PPFIBP1: variants seen among roughly 807,000 people sequenced by gnomAD.
PPFIBP1 encodes the protein PPFIB scaffold protein 1, also known as liprin-beta-1.
A neutral mutation model predicts 137.8 loss-of-function variants in PPFIBP1; 112 were observed. That is an observed-to-expected ratio of 0.81 (90% CI 0.70 to 0.95). The LOEUF is 0.95. Among genes scored for constraint, PPFIBP1 ranks in the 40% least tolerant of loss-of-function variants. PPFIBP1 has a pLI of 0.00. For missense variants in PPFIBP1, 1,083 were observed against 1,196.6 expected, an observed-to-expected ratio of 0.91 and a Z score of 1.40; for synonymous variants, 378 against 417.3, an observed-to-expected ratio of 0.91 and a Z score of 1.15.
chr12:27,592,571 G>T, intron 2 of PPFIBP1: 1 of 1,442,478 alleles, frequency 6.9e-7, no homozygotes, highest in Non-Finnish European at 9.7e-7. Flanking sequence ...TTCACAGGAT[G>T]ATACCTCCTC....
chr12:27,656,003 T>C (rs2059174184), intron 8 of PPFIBP1, among the ~76,000 whole-genome samples: 1 of 152,234 alleles, frequency 6.6e-6, no homozygotes, highest in South Asian at 2.1e-4. Flanking sequence ...GTTGTATAGT[T>C]AAAAATTAAA....
Position 27,648,665 on chromosome 12 carries a change from A to G in PPFIBP1, c.471+823A>G, listed in dbSNP as rs201596439. 2.0e-4 allele frequency among the ~76,000 whole-genome samples: 30 copies of G among 152,350 alleles called. No individual in the cohort carries two copies. The East Asian group carries it at 3.5e-3, about 18-fold the overall frequency. On this transcript the variant is annotated intron_variant, in intron 6 of 29. Transcript: ENST00000228425. ...CTTATACACAATGGAGTACTATTCA[A>G]CTATAAAAAAGCATGAGATTCAGTC...
rs1323498687 is a variant in PPFIBP1, at chr12:27,622,688, C to T, written c.-35-10674C>T. ...TGTCAGCCCCCTAAGGGCAGAGCTT[C>T]GCTTTTCTTGGTCTTTTTCACTGTT... On this transcript the variant is annotated intron_variant, in intron 2 of 29. Transcript: ENST00000228425. Among the ~76,000 whole-genome samples, 5 of 152,224 alleles carry T rather than the reference C, an allele frequency of 3.3e-5. No homozygotes were observed. The East Asian group carries it at 7.7e-4, about 23-fold the overall frequency.
At position 27,660,877 on chromosome 12, in the gene PPFIBP1, T is replaced by G; in HGVS notation, c.845-7T>G. 1 of 1,613,360 alleles carries G rather than the reference T, an allele frequency of 6.2e-7. No individual in the cohort carries two copies. Among genetic ancestry groups the G allele is most frequent in the South Asian group, 1.1e-5 (1 of 90,962 alleles). ...TGAACTGACTTCTGATTTGATGTTATTTTCAGACATCGAAGTACAAAAAAT... is the reference window on the plus strand; with the variant it reads ...TGAACTGACTTCTGATTTGATGTTAGTTTCAGACATCGAAGTACAAAAAAT... On this transcript the variant is annotated splice_polypyrimidine_tract_variant and splice_region_variant and intron_variant, in intron 10 of 29. Coordinates refer to ENST00000228425, the MANE Select transcript of PPFIBP1 (RefSeq NM_003622.4).
At chr12:27,670,215 T>C (rs527280052) in intron 13 of PPFIBP1, among the ~76,000 whole-genome samples, 1 of 152,322 alleles carries the variant, frequency 6.6e-6, no homozygotes, top group East Asian at 1.9e-4. Flanking sequence ...AAAACTGAAG[T>C]ATTAAAATTA....
chr12:27,681,719 C>T (rs550979809), intron 22 of PPFIBP1, 23 bp downstream of exon 22: 19 of 1,612,560 alleles, frequency 1.2e-5, no homozygotes, highest in Non-Finnish European at 1.6e-5. Context: ...CTGTTTTGTT[C>T]ACACAATGGA....
Position 27,589,645 on chromosome 12 carries a change from T to C in PPFIBP1, c.-36+11406T>C, listed in dbSNP as rs2052234751. The stretch of plus-strand genomic sequence containing the variant: ...GCCAAGCAGGTTTATGAAACACTGA[T>C]GAATAAACACAAGTATGTCAGAAAT... On this transcript the variant is annotated intron_variant, in intron 2 of 29. Transcript: ENST00000228425. Among the ~76,000 whole-genome samples, 3 of 152,242 alleles carry C rather than the reference T, an allele frequency of 2.0e-5. No homozygotes were observed. The South Asian group carries it at 6.2e-4, about 32-fold the overall frequency.
At chr12:27,665,551 G>C (rs1186376755) in intron 12 of PPFIBP1, among the ~76,000 whole-genome samples, 2 of 152,180 alleles carry the variant, frequency 1.3e-5, no homozygotes, top group African/African-American at 4.8e-5. Flanking sequence ...TACATAAAGA[G>C]AGTTGTGCAT....
chr12:27,623,554 A>T (rs1427764319), intron 2 of PPFIBP1, among the ~76,000 whole-genome samples: 22 of 152,102 alleles, frequency 1.4e-4, no homozygotes, highest in Admixed American at 1.4e-3. Flanking sequence ...TAAAAATTTT[A>T]AAAATCAGCT....
At chr12:27,550,394 A>C (rs1171268370) in intron 1 of PPFIBP1, among the ~76,000 whole-genome samples, 1 of 152,210 alleles carries the variant, frequency 6.6e-6, no homozygotes, top group Non-Finnish European at 1.5e-5. Flanking sequence ...TGGATTCAGG[A>C]ACTATTTTAA....
intron 2 of PPFIBP1, among the ~76,000 whole-genome samples, chr12:27,615,600 A>G (rs777219942): frequency 8.5e-5 from 13 of 152,242 alleles, no homozygotes; most frequent in Admixed American, 2.0e-4. Context: ...CTTCACAGTA[A>G]TAATCTTGGG....
At chr12:27,556,568 T>G (rs2048719458) in intron 1 of PPFIBP1, among the ~76,000 whole-genome samples, 1 of 152,214 alleles carries the variant, frequency 6.6e-6, no homozygotes, top group South Asian at 2.1e-4. Flanking sequence ...TTATTGCTTC[T>G]TGGTCCGCAT....
At chr12:27,659,660 TAAAAA>T (rs60576797) in intron 10 of PPFIBP1, among the ~76,000 whole-genome samples, 2 of 149,434 alleles carry the variant, frequency 1.3e-5, no homozygotes, top group East Asian at 3.9e-4. Flanking sequence ...CCCCATCTCT[TAAAAA>T]AAAAAAAAAT....
chr12:27,528,206 C>T (rs2135729140), intron 1 of PPFIBP1, among the ~76,000 whole-genome samples: 1 of 152,202 alleles, frequency 6.6e-6, no homozygotes, highest in Admixed American at 6.5e-5. Context: ...GCCTCAGCCT[C>T]CCAAAGTGCT....
chr12:27,571,262 T>A (rs2050120015), intron 1 of PPFIBP1, among the ~76,000 whole-genome samples: 1 of 152,220 alleles, frequency 6.6e-6, no homozygotes, highest in Non-Finnish European at 1.5e-5. Context: ...TATAACATTC[T>A]TGTGAAAGGA....
intron 1 of PPFIBP1, among the ~76,000 whole-genome samples, chr12:27,529,523 G>A (rs1357078127): frequency 3.3e-5 from 5 of 152,082 alleles, no homozygotes; most frequent in Non-Finnish European, 7.4e-5. Flanking sequence ...GCAAAACCCC[G>A]TCTCTACTAA....
chr12:27,542,740 A>G (rs997423206), intron 1 of PPFIBP1, among the ~76,000 whole-genome samples: 1 of 152,156 alleles, frequency 6.6e-6, no homozygotes, highest in Non-Finnish European at 1.5e-5. Flanking sequence ...TCTGTTGTGG[A>G]TAAGTCATCT....
chr12:27,617,064 G>A (rs2055840611), intron 2 of PPFIBP1, among the ~76,000 whole-genome samples: 1 of 152,194 alleles, frequency 6.6e-6, no homozygotes, highest in Non-Finnish European at 1.5e-5. Flanking sequence ...GATGTTTCAT[G>A]TGGAAAAATA....
intron 11 of PPFIBP1, among the ~76,000 whole-genome samples, chr12:27,661,871 A>G (rs2059575988): frequency 6.6e-6 from 1 of 152,028 alleles, no homozygotes; most frequent in Non-Finnish European, 1.5e-5. Flanking sequence ...ACTGATTGTC[A>G]TGTCTACTCA....
Sources: allele counts gnomAD v4.1 joint callset (sites outside exome capture counted in the v4.1 genomes callset), GRCh38; gene constraint gnomAD v4.1.1; transcripts MANE v1.5; gene names NCBI Gene and HGNC (gene_info 2026-07-23, HGNC 2026-07-21).